Variants in ENTPD1 observed in about 807,000 individuals in gnomAD.
ENTPD1 encodes the protein ATP diphosphohydrolase.
A neutral mutation model predicts 57.0 loss-of-function variants in ENTPD1; 33 were observed. That is an observed-to-expected ratio of 0.58 (90% CI 0.44 to 0.77). ENTPD1 has a LOEUF of 0.77. Among genes scored for constraint, ENTPD1 ranks in the 30% least tolerant of loss-of-function variants. The pLI is 0.00. For missense variants in ENTPD1, 501 were observed against 603.4 expected, an observed-to-expected ratio of 0.83 and a Z score of 1.78; for synonymous variants, 202 against 218.8, an observed-to-expected ratio of 0.92 and a Z score of 0.68.
At chr10:95,700,324 T>A in the ENTPD1 span, among the ~76,000 whole-genome samples, 1 of 151,912 alleles carries the variant, frequency 6.6e-6, no homozygotes, top group African/African-American at 2.4e-5. Flanking sequence ...AATCTACAAG[T>A]CCAATGTTTG....
At position 95,873,193 on chromosome 10, in the gene ENTPD1, T is replaced by C. The variant is rs1222522262; in HGVS notation, c.*6810T>C. The C allele has an allele frequency of 1.0e-6, 1 of 985,326 alleles. No homozygotes were observed. 61.0% of individuals were successfully genotyped at this position (985,326 alleles called of 1,614,324 possible). A position where few individuals can be genotyped will look rare whatever the true frequency, so the allele number is the denominator to read the frequency against. ...TGCGTATCAAAGGTCTAGATGACAT[T>C]ATCATTCCAAAGAGTTTCTTTTACA... On this transcript the variant is annotated 3_prime_UTR_variant, in exon 10 of 10. Transcript: ENST00000371205.
intron 1 of ENTPD1, among the ~76,000 whole-genome samples, chr10:95,810,398 T>C (rs1225037155): frequency 7.7e-6 from 1 of 130,040 alleles, no homozygotes; most frequent in Non-Finnish European, 1.6e-5. Context: ...TGCTCCTCAC[T>C]TCCTGGACAG....
chr10:95,744,603 A>T lies in ENTPD1; in HGVS notation c.37+32610A>T, dbSNP rs190877543. On this transcript the variant is annotated intron_variant, in intron 1 of 9. Transcript: ENST00000453258. ...GCTACTGAACTCCAGCCTCTGTGGC[A>T]GAGTAAGACTCTGTCTCAAAAAAAA... 5.4e-5 allele frequency among the ~76,000 whole-genome samples: 8 copies of T among 146,864 alleles called. No individual in the cohort carries two copies. The East Asian group carries it at 1.6e-3, about 29-fold the overall frequency.
At chr10:95,794,354 T>A (rs1425921748) in intron 1 of ENTPD1, among the ~76,000 whole-genome samples, 1 of 152,172 alleles carries the variant, frequency 6.6e-6, no homozygotes, top group Non-Finnish European at 1.5e-5. Context: ...GAGTGCCTAC[T>A]CTGTGCAGAC....
At chr10:95,801,273 C>T (rs980957291) in intron 1 of ENTPD1, among the ~76,000 whole-genome samples, 1 of 152,108 alleles carries the variant, frequency 6.6e-6, no homozygotes, top group Non-Finnish European at 1.5e-5. Context: ...AATCTTTGCC[C>T]ATTCCTATGT....
intron 2 of ENTPD1, among the ~76,000 whole-genome samples, chr10:95,827,472 G>A (rs1213962968): frequency 2.0e-5 from 3 of 151,738 alleles, no homozygotes; most frequent in Non-Finnish European, 4.4e-5. Context: ...AAAAAATTTC[G>A]TTTTTGTTTT....
chr10:95,711,870 A>C, exon 1 of ENTPD1: 1 of 1,588,422 alleles, frequency 6.3e-7, no homozygotes, highest in Non-Finnish European at 8.6e-7. Flanking sequence ...GAAACTTCAG[A>C]GGGCAAAGGG....
At chr10:95,709,236 G>A (rs374332147), upstream of ENTPD1, among the ~76,000 whole-genome samples, 4 of 151,976 alleles carry the variant, frequency 2.6e-5, no homozygotes, top group African/African-American at 7.3e-5. Flanking sequence ...GATTTCCCCA[G>A]TTTTATTTGT....
chr10:95,870,112 C>A lies in ENTPD1; in HGVS notation c.*3729C>A. 1 of 985,308 alleles carries A rather than the reference C, an allele frequency of 1.0e-6. No homozygotes were observed. The highest frequency in any genetic ancestry group is 1.7e-5 in the African/African-American group (1 of 57,296). The allele number at this position is 985,308 out of a possible 1,614,324, so 61.0% of individuals were successfully genotyped here. ...TATTCCTAAAAAAGCTTTTGAGATC[C>A]TAGGTTGTATTCCTCAGGTTTTGTT... is the stretch of plus-strand genomic sequence containing the variant. On this transcript the variant is annotated 3_prime_UTR_variant, in exon 10 of 10. Coordinates refer to ENST00000371205, the MANE Select transcript of ENTPD1 (RefSeq NM_001776.6).
chr10:95,825,011 T>C (rs545410680), intron 2 of ENTPD1, among the ~76,000 whole-genome samples: 2 of 152,350 alleles, frequency 1.3e-5, no homozygotes, highest in South Asian at 2.1e-4. Context: ...CTGGCATATA[T>C]TGGGGGCAAA....
At chr10:95,848,852 C>T (rs1590143472) in intron 7 of ENTPD1, among the ~76,000 whole-genome samples, 1 of 152,096 alleles carries the variant, frequency 6.6e-6, no homozygotes, top group African/African-American at 2.4e-5. Context: ...CCTGAGGAGT[C>T]GTTTTTGAGG....
chr10:95,866,093 A>G, intron 9 of ENTPD1, 84 bp from the exon 10 acceptor site: 4 of 1,524,016 alleles, frequency 2.6e-6, no homozygotes, highest in South Asian at 1.2e-5. Flanking sequence ...AACTCTTCCA[A>G]TGCATGATCC....
At chr10:95,703,032 G>C in the ENTPD1 span, among the ~76,000 whole-genome samples, 1 of 151,806 alleles carries the variant, frequency 6.6e-6, no homozygotes, top group South Asian at 2.1e-4. Context: ...TGATCCACCC[G>C]CCTCGGGCTC....
At chr10:95,811,512 T>C (rs2098307434) in intron 1 of ENTPD1, among the ~76,000 whole-genome samples, 1 of 151,886 alleles carries the variant, frequency 6.6e-6, no homozygotes, top group Admixed American at 6.6e-5. Context: ...CTCAGCCTCC[T>C]GAGTAGCTGG....
Position 95,844,481 on chromosome 10 carries a change from A to G in ENTPD1, c.419A>G (p.Glu140Gly). Residue 140 changes from glutamate (E) to glycine (G), a missense_variant, in exon 5 of 10, where the codon GAA becomes GGA. Transcript: ENST00000371205. ...TCAGCTCTTCCTTTGTACAGGATGG[A>G]AAGTGAAGAGTTGGCAGACAGGGTT... ...ATAGMRLLRMESEELADRVLD... is the reference protein window; with the variant it reads ...ATAGMRLLRMGSEELADRVLD... 1 of 1,614,136 alleles carries G rather than the reference A, an allele frequency of 6.2e-7. No homozygotes were observed. Among genetic ancestry groups the G allele is most frequent in the Non-Finnish European group, 8.5e-7 (1 of 1,179,984 alleles).
rs532351846 is a variant in ENTPD1 at position 95,810,261 on chromosome 10, G to A, written c.17-12976G>A. Among the ~76,000 whole-genome samples, 90 of 147,666 alleles carry A rather than the reference G, an allele frequency of 6.1e-4. No individual in the cohort carries two copies. In the Middle Eastern group the frequency reaches 0.012, roughly 19 times the overall value. ...CTCCTCACCTCCCAGACGGGGTGGC[G>A]GCCAGGCAGAGACGCTCCTCACCTC... is the stretch of plus-strand genomic sequence containing the variant. On this transcript the variant is annotated intron_variant, in intron 1 of 9. Transcript: ENST00000371205.
At position 95,847,588 on chromosome 10, in the gene ENTPD1, T is replaced by C. The variant is rs2098438015; in HGVS notation, c.956T>C (p.Ile319Thr). Residue 319 changes from isoleucine to threonine, a missense_variant, in exon 7 of 10, where the codon ATT becomes ACT. Ile to Thr is a moderately conservative substitution (Grantham distance 89). Transcript: ENST00000371205. Reference protein sequence around the residue: ...LPFQQFEIQGIGNYQQCHQSI... With the variant: ...LPFQQFEIQGTGNYQQCHQSI... Reference sequence around the variant, plus strand: ...TTCCAGCAGTTTGAAATCCAGGGTATTGGAAACTATCAACAATGCCATCAA... The same window carrying C: ...TTCCAGCAGTTTGAAATCCAGGGTACTGGAAACTATCAACAATGCCATCAA... The C allele has an allele frequency of 5.6e-6, 9 of 1,614,162 alleles. No homozygotes were observed. Among genetic ancestry groups the C allele is most frequent in the Non-Finnish European group, 7.6e-6 (9 of 1,180,034 alleles).
intron 1 of ENTPD1, among the ~76,000 whole-genome samples, chr10:95,745,981 A>G (rs1363621965): frequency 2.6e-5 from 4 of 152,146 alleles, no homozygotes; most frequent in Non-Finnish European, 5.9e-5. Flanking sequence ...CCCTCTCCCA[A>G]CATGGCCTCA....
intron 1 of ENTPD1, among the ~76,000 whole-genome samples, chr10:95,807,974 A>T (rs1377411544): frequency 6.6e-6 from 1 of 152,188 alleles, no homozygotes; most frequent in African/African-American, 2.4e-5. Flanking sequence ...GAGTGGTGAC[A>T]GAGGACATCC....
Sources: gnomAD v4.1 joint callset for allele counts (sites outside exome capture counted in the v4.1 genomes callset) on GRCh38, gnomAD v4.1.1 for gene constraint, MANE v1.5 for transcripts, NCBI Gene and HGNC (gene_info 2026-07-23, HGNC 2026-07-21) for gene names.